Variants in GRID1 observed in about 807,000 individuals in gnomAD.
GRID1 encodes glutamate ionotropic receptor delta type subunit 1.
Under a neutral mutation model 98.0 loss-of-function variants are expected in GRID1, and 28 were observed. The ratio of observed to expected loss-of-function variants is 0.29; its 90% CI spans 0.21 to 0.39. GRID1 has a LOEUF of 0.39. Among genes scored for constraint, GRID1 ranks in the 10% least tolerant of loss-of-function variants. GRID1 has a pLI of 1.00. For missense variants in GRID1, 1,111 were observed against 1,340.5 expected, an observed-to-expected ratio of 0.83 and a Z score of 2.67; for synonymous variants, 553 against 538.5, an observed-to-expected ratio of 1.03 and a Z score of -0.37.
chr10:86,200,700 T>C (rs959781269), intron 3 of GRID1, among the ~76,000 whole-genome samples: 1 of 151,990 alleles, frequency 6.6e-6, no homozygotes, highest in African/African-American at 2.4e-5. Flanking sequence ...AGACAAACAA[T>C]TAACTTAAAG....
chr10:85,776,983 T>C (rs917046642), intron 8 of GRID1, among the ~76,000 whole-genome samples: 1 of 152,196 alleles, frequency 6.6e-6, no homozygotes, highest in Non-Finnish European at 1.5e-5. Flanking sequence ...AACTGTGGTA[T>C]TGGCAGCTGA....
At position 85,619,982 on chromosome 10, in the gene GRID1, C is replaced by T. The variant is rs752023884; in HGVS notation, c.2245G>A (p.Ala749Thr). The change falls in exon 14 of 16, where the codon GCA becomes ACA. Residue 749 changes from alanine to threonine, a missense_variant. Around this residue, in one of 3 missense-constraint regions of GRID1, gnomAD observed 762 missense variants for 869.1 expected, o/e 0.88. Coordinates refer to ENST00000327946, the MANE Select transcript of GRID1 (RefSeq NM_017551.3). ...GAGCAGTCGTCATCCGTCAGGGCTG[C>T]GTATTCCACCACGGCCACATCCCAC... ...FLWDVAVVEY[A>T]ALTDDDCSVT... The T allele has an allele frequency of 6.8e-6, 11 of 1,613,772 alleles. No individual in the cohort carries two copies. The highest frequency in any genetic ancestry group is 6.6e-5 in the South Asian group (6 of 91,088).
intron 12 of GRID1, among the ~76,000 whole-genome samples, chr10:85,668,897 A>G (rs11596691): frequency 1.3e-5 from 2 of 152,360 alleles, no homozygotes; most frequent in Non-Finnish European, 2.9e-5. Flanking sequence ...CCTCTAAGTC[A>G]GGACAATGGA....
At chr10:86,125,299 C>T (rs768286831) in intron 4 of GRID1, among the ~76,000 whole-genome samples, 4 of 152,216 alleles carry the variant, frequency 2.6e-5, no homozygotes, top group Non-Finnish European at 4.4e-5. Flanking sequence ...GAGAGTGAAC[C>T]GGCAGAGTCA....
At position 85,848,724 on chromosome 10, in the gene GRID1, G is replaced by A. The variant is rs151207320; in HGVS notation, c.1233+5772C>T. Among the ~76,000 whole-genome samples the A allele has an allele frequency of 8.6e-3, 1,310 of 152,218 alleles. 12 individuals carry two copies. The highest frequency in any genetic ancestry group is 0.03 in the African/African-American group (1,234 of 41,520). On this transcript the variant is annotated intron_variant, in intron 8 of 15. Coordinates refer to ENST00000327946, the MANE Select transcript of GRID1 (RefSeq NM_017551.3). The stretch of plus-strand genomic sequence containing the variant: ...GTTTCCTGAACATTCTACCCTTAAT[G>A]GGTATGTATTGATAAAAACACTACC...
At chr10:85,721,799 A>G (rs1186925206) in intron 12 of GRID1, among the ~76,000 whole-genome samples, 1 of 152,202 alleles carries the variant, frequency 6.6e-6, no homozygotes, top group Admixed American at 6.5e-5. Context: ...GCAGATACAC[A>G]AGTTTATAAG....
At chr10:86,216,090 A>T (rs1380708458) in intron 2 of GRID1, among the ~76,000 whole-genome samples, 1 of 152,180 alleles carries the variant, frequency 6.6e-6, no homozygotes, top group Non-Finnish European at 1.5e-5. Context: ...AATCCACCTC[A>T]AATGCCTCTT....
At chr10:85,637,808 A>G (rs1843067468) in intron 13 of GRID1, among the ~76,000 whole-genome samples, 1 of 152,194 alleles carries the variant, frequency 6.6e-6, no homozygotes, top group Non-Finnish European at 1.5e-5. Context: ...AGCTTCTTCT[A>G]ACTTCACTAA....
rs117537443 is a variant in GRID1 at position 86,179,813 on chromosome 10, A to G, written c.520+26551T>C. Among the ~76,000 whole-genome samples the G allele has an allele frequency of 1.1e-3, 160 of 152,252 alleles. No individual in the cohort carries two copies. In the East Asian group the frequency reaches 0.02, roughly 19 times the overall value. ...TCTAACAATGAAACACCACCACAAC[A>G]TGATCCTCCCCAGGGCATCCTCCAG... On this transcript the variant is annotated intron_variant, in intron 3 of 15. Transcript: ENST00000327946.
At chr10:86,261,948 A>G (rs1490247653) in intron 2 of GRID1, among the ~76,000 whole-genome samples, 1 of 152,264 alleles carries the variant, frequency 6.6e-6, no homozygotes, top group Non-Finnish European at 1.5e-5. Context: ...TGTGCCAGAC[A>G]TCAGCCCAGG....
intron 5 of GRID1, among the ~76,000 whole-genome samples, chr10:85,875,340 T>C (rs1029502727): frequency 2.0e-5 from 3 of 152,200 alleles, no homozygotes; most frequent in Admixed American, 1.3e-4. Flanking sequence ...TTGGTTAGCA[T>C]CTGCCTGCTC....
intron 4 of GRID1, among the ~76,000 whole-genome samples, chr10:85,941,108 C>G (rs886452412): frequency 6.6e-6 from 1 of 152,140 alleles, no homozygotes; most frequent in African/African-American, 2.4e-5. Context: ...TTCTTCCCAC[C>G]TTAGGAGGGT....
Position 86,127,087 on chromosome 10 carries a change from T to C in GRID1, c.726+11732A>G, listed in dbSNP as rs540726211. On this transcript the variant is annotated intron_variant, in intron 4 of 15. Transcript: ENST00000327946. The stretch of plus-strand genomic sequence containing the variant: ...ATGGGATGGTCCCATTTGATCATTA[T>C]AGGGCAGAGAGAAGGGGCAGCTATG... Among the ~76,000 whole-genome samples, 22 of 152,366 alleles carry C rather than the reference T, an allele frequency of 1.4e-4. No homozygotes were observed. In the South Asian group the frequency reaches 4.6e-3, roughly 32 times the overall value.
At chr10:85,926,932 A>G (rs1159542548) in intron 4 of GRID1, among the ~76,000 whole-genome samples, 1 of 152,232 alleles carries the variant, frequency 6.6e-6, no homozygotes, top group African/African-American at 2.4e-5. Context: ...ATTTGTGTAA[A>G]GAACCCTGTA....
chr10:85,740,159 G>A (rs1164901423), intron 8 of GRID1, among the ~76,000 whole-genome samples: 2 of 152,100 alleles, frequency 1.3e-5, no homozygotes, highest in African/African-American at 2.4e-5. Flanking sequence ...TTCCAGCAAA[G>A]GCATTCTCTA....
intron 4 of GRID1, among the ~76,000 whole-genome samples, chr10:86,003,342 G>A (rs1842822666): frequency 6.6e-6 from 1 of 152,242 alleles, no homozygotes; most frequent in Non-Finnish European, 1.5e-5. Context: ...AGCCCATGAG[G>A]CAGCTGACAG....
intron 2 of GRID1, among the ~76,000 whole-genome samples, chr10:86,247,980 A>G (rs1188455629): frequency 1.3e-5 from 2 of 152,178 alleles, no homozygotes; most frequent in Non-Finnish European, 2.9e-5. Context: ...CACCCTGACA[A>G]CCAGATCCCC....
At chr10:86,068,472 G>T (rs1239140398) in intron 4 of GRID1, among the ~76,000 whole-genome samples, 1 of 152,120 alleles carries the variant, frequency 6.6e-6, no homozygotes, top group Admixed American at 6.6e-5. Flanking sequence ...ATATTGCTTG[G>T]CAAGAAACTA....
chr10:85,688,243 C>T (rs1355779299), intron 12 of GRID1, among the ~76,000 whole-genome samples: 1 of 152,188 alleles, frequency 6.6e-6, no homozygotes, highest in Non-Finnish European at 1.5e-5. Flanking sequence ...CACATCATTG[C>T]CTTTGGTGTC....
Sources: gnomAD v4.1 joint callset for allele counts (sites outside exome capture counted in the v4.1 genomes callset) on GRCh38, gnomAD v4.1.1 for gene constraint, gnomAD v4.1.1 regional missense constraint, MANE v1.5 for transcripts, NCBI Gene and HGNC (gene_info 2026-07-23, HGNC 2026-07-21) for gene names.